The following TBC1D25 variants were observed in gnomAD, a reference collection of about 807,000 sequenced individuals.
TBC1D25 encodes TBC1 domain family member 25.
TBC1D25 carries 13 observed loss-of-function variants against 38.8 expected under a neutral mutation model. The observed-to-expected ratio is 0.34, with a 90% CI of 0.22 to 0.53. The LOEUF (loss-of-function observed/expected upper bound fraction) is 0.53, where lower values mean the gene tolerates loss of function less well. TBC1D25 is among the 20% of genes least tolerant of loss of function. The pLI, the probability that TBC1D25 is intolerant of heterozygous loss-of-function variation, is 0.94. For missense variants in TBC1D25, 372 were observed against 600.0 expected (o/e 0.62, Z 3.97); for synonymous variants, 225 against 255.6 (o/e 0.88, Z 1.14).
intron 1 of TBC1D25, 148 bp from the exon 2 acceptor site, chrX:48,541,185 C>G (rs2061835846): frequency 2.0e-6 from 1 of 509,149 alleles, no homozygotes; most frequent in African/African-American, 2.3e-5. Flanking sequence ...TTGCAGTAGC[C>G]TCCTCCTCAC....
intron 3 of TBC1D25, among the ~76,000 whole-genome samples, chrX:48,555,081 G>A (rs1200489590): frequency 9.0e-6 from 1 of 111,419 alleles, no homozygotes; most frequent in East Asian, 2.8e-4. Context: ...TTTACATGCA[G>A]TAGCCGTAGG....
In TBC1D25 at chrX:48,559,347, G is replaced by A; in HGVS notation, c.705+1G>A. 8.3e-7 allele frequency: 1 copy of A among 1,205,848 alleles called. No individual in the cohort carries two copies. Among genetic ancestry groups the A allele is most frequent in the South Asian group, 1.8e-5 (1 of 55,775 alleles). ...CGGTGTGGAGCCCTCGCTGCGAAAG[G>A]TGAGCATCCTCAGTCATCTGTTGGG... On this transcript the variant is annotated splice_donor_variant, in intron 5 of 5. Transcript: ENST00000376771. LOFTEE classifies it high-confidence loss of function.
intron 1 of TBC1D25, among the ~76,000 whole-genome samples, chrX:48,540,730 C>T (rs946667368): frequency 1.8e-5 from 2 of 111,923 alleles, no homozygotes; most frequent in African/African-American, 3.2e-5. Context: ...TCCGACCAAC[C>T]AGTGGCACTG....
intron 3 of TBC1D25, among the ~76,000 whole-genome samples, chrX:48,549,046 G>A (rs1556982572): frequency 1.8e-5 from 2 of 111,934 alleles, no homozygotes; most frequent in African/African-American, 3.2e-5. Flanking sequence ...GTACTTTTCC[G>A]ATATGAATCT....
At chrX:48,543,838 C>G (rs1295606410) in intron 2 of TBC1D25, among the ~76,000 whole-genome samples, 1 of 104,347 alleles carries the variant, frequency 9.6e-6, no homozygotes, top group African/African-American at 3.5e-5. Flanking sequence ...GAGCCGAGAT[C>G]GCACCATTGC....
chrX:48,559,931 C>T lies in TBC1D25; in HGVS notation c.1023C>T (p.Ile341=). ...GCATGAGTGACCTTGCCTCACCCAT[C>T]CTCGCTGTCATGGACCATGAGGGCC... ...CQGMSDLASP[I]LAVMDHEGHA... is the part of the protein sequence containing the mutation. The change falls in exon 6 of 6, where the codon ATC becomes ATT. Residue 341 remains isoleucine, a synonymous_variant. Coordinates refer to ENST00000376771, the MANE Select transcript of TBC1D25 (RefSeq NM_002536.4). 2 of 1,211,842 alleles carry T rather than the reference C, an allele frequency of 1.7e-6. No homozygotes were observed. Among genetic ancestry groups the T allele is most frequent in the Non-Finnish European group, 2.2e-6 (2 of 895,553 alleles).
At chrX:48,543,828 G>A (rs969233268) in intron 2 of TBC1D25, among the ~76,000 whole-genome samples, 3 of 104,714 alleles carry the variant, frequency 2.9e-5, no homozygotes, top group Non-Finnish European at 5.8e-5. Flanking sequence ...AGCTTGCAGC[G>A]AGCCGAGATC....
Position 48,560,487 on chromosome X carries a change from C to A in TBC1D25, c.1579C>A (p.Leu527Met). The A allele has an allele frequency of 8.3e-7, 1 of 1,210,044 alleles. No homozygotes were observed. Among genetic ancestry groups the A allele is most frequent in the Non-Finnish European group, 1.1e-6 (1 of 894,556 alleles). ...CTCCAGGAGGGACCCTCTGGTCCAG[C>A]TGCCCCACCCAGCTGCCCTTATCAG... ...MGSRRDPLVQ[L>M]PHPAALISSK... Residue 527 changes from leucine (L) to methionine (M), a missense_variant, in exon 6 of 6, where the codon CTG becomes ATG. Physicochemically the swap from Leu to Met is conservative, Grantham distance 15. Coordinates refer to ENST00000376771, the MANE Select transcript of TBC1D25 (RefSeq NM_002536.4).
Position 48,539,919 on chromosome X carries a change from A to G in TBC1D25, c.122A>G (p.Lys41Arg). The change falls in exon 1 of 6, where the codon AAG (lysine) becomes AGG (arginine). Residue 41 changes from lysine to arginine, a missense_variant and splice_region_variant. By Grantham distance (26) the Lys-to-Arg change is conservative (BLOSUM62 2). Around this residue, in one of 2 missense-constraint regions of TBC1D25, gnomAD observed 60 missense variants for 50.7 expected, o/e 1.18. Coordinates refer to ENST00000376771, the MANE Select transcript of TBC1D25 (RefSeq NM_002536.4). Reference sequence around the variant, plus strand: ...CGAGAGGTGGTGCGGGTCCGAGTCAAGGTGAGGCTGGCGGTGAGTCGGCCC... The same window carrying G: ...CGAGAGGTGGTGCGGGTCCGAGTCAGGGTGAGGCTGGCGGTGAGTCGGCCC... ...EEREVVRVRV[K>R]KCESFLPPEF... 1.0e-6 allele frequency: 1 copy of G among 952,671 alleles called. No homozygotes were observed. The highest frequency in any genetic ancestry group is 5.2e-5 in the South Asian group (1 of 19,064). 78.5% of individuals were successfully genotyped at this position (952,671 alleles called of 1,213,427 possible). A position where few individuals can be genotyped will look rare whatever the true frequency, so the allele number is the denominator to read the frequency against.
intron 3 of TBC1D25, among the ~76,000 whole-genome samples, chrX:48,547,979 T>A (rs1477542287): frequency 9.1e-6 from 1 of 109,789 alleles, no homozygotes; most frequent in Non-Finnish European, 1.9e-5. Flanking sequence ...TTTACCAAAT[T>A]CCTGCACAAC....
intron 3 of TBC1D25, among the ~76,000 whole-genome samples, chrX:48,556,713 C>T (rs1225428543): frequency 1.0e-5 from 1 of 96,106 alleles, no homozygotes; most frequent in Non-Finnish European, 2.0e-5. Context: ...CACCATTGCA[C>T]GCCAGTGTGG....
At chrX:48,540,552 G>A (rs2061830493) in intron 1 of TBC1D25, among the ~76,000 whole-genome samples, 1 of 111,906 alleles carries the variant, frequency 8.9e-6, no homozygotes, top group Non-Finnish European at 1.9e-5. Flanking sequence ...ATGGGAATGA[G>A]CCTGGCATGT....
intron 3 of TBC1D25, among the ~76,000 whole-genome samples, chrX:48,557,717 G>C (rs1308621995): frequency 9.1e-6 from 1 of 110,255 alleles, no homozygotes; most frequent in African/African-American, 3.3e-5. Context: ...GCTTAGGCAG[G>C]AGAACTGCTT....
chrX:48,552,957 T>C (rs1369050721), intron 3 of TBC1D25, among the ~76,000 whole-genome samples: 3 of 109,406 alleles, frequency 2.7e-5, no homozygotes, highest in Non-Finnish European at 1.9e-5. Flanking sequence ...ACCCGGCTAG[T>C]TTTTTTATAT....
intron 3 of TBC1D25, among the ~76,000 whole-genome samples, chrX:48,545,265 A>C (rs1244257801): frequency 1.8e-5 from 2 of 112,283 alleles, no homozygotes; most frequent in African/African-American, 6.5e-5. Context: ...AAATGCCTGG[A>C]ACAGTGCATG....
In TBC1D25 at chrX:48,559,953, G is replaced by A; in HGVS notation, c.1045G>A (p.Gly349Ser). Residue 349 changes from glycine (G) to serine (S), a missense_variant, in exon 6 of 6, where the codon GGC (glycine) becomes AGC (serine). By Grantham distance (56) the Gly-to-Ser change is moderately conservative. Around this residue, in one of 2 missense-constraint regions of TBC1D25, gnomAD observed 312 missense variants for 549.3 expected, o/e 0.57. Transcript: ENST00000376771. ...CATCCTCGCTGTCATGGACCATGAG[G>A]GCCATGCCTTTGTTTGCTTTTGTGG... ...SPILAVMDHE[G>S]HAFVCFCGIM... is the part of the protein sequence containing the mutation. 4.1e-6 allele frequency: 5 copies of A among 1,211,564 alleles called. No individual in the cohort carries two copies. The highest frequency in any genetic ancestry group is 4.5e-6 in the Non-Finnish European group (4 of 895,446).
intron 3 of TBC1D25, among the ~76,000 whole-genome samples, chrX:48,552,906 C>T (rs2147185304): frequency 9.1e-6 from 1 of 109,813 alleles, no homozygotes; most frequent in Non-Finnish European, 1.9e-5. Context: ...TCTCCTGCCT[C>T]AGCCTCTTGA....
At position 48,559,922 on chromosome X, in the gene TBC1D25, C is replaced by G; in HGVS notation, c.1014C>G (p.Ala338=). ...ACTGCCAGGGCATGAGTGACCTTGCCTCACCCATCCTCGCTGTCATGGACC... is the reference window on the plus strand; with the variant it reads ...ACTGCCAGGGCATGAGTGACCTTGCGTCACCCATCCTCGCTGTCATGGACC... ...VSYCQGMSDL[A]SPILAVMDHE... Residue 338 remains alanine (A), a synonymous_variant, in exon 6 of 6, where the codon GCC becomes GCG. Coordinates refer to ENST00000376771, the MANE Select transcript of TBC1D25 (RefSeq NM_002536.4). The G allele has an allele frequency of 8.3e-7, 1 of 1,211,625 alleles. No individual in the cohort carries two copies. Among genetic ancestry groups the G allele is most frequent in the Non-Finnish European group, 1.1e-6 (1 of 895,478 alleles).
At chrX:48,558,722 A>C (rs2061996142) in intron 3 of TBC1D25, among the ~76,000 whole-genome samples, 175 bp from the exon 4 acceptor site, 1 of 111,934 alleles carries the variant, frequency 8.9e-6, no homozygotes. Context: ...TCTACTACAA[A>C]AGAATTGTTC....
Sources: allele counts gnomAD v4.1 joint callset (sites outside exome capture counted in the v4.1 genomes callset), GRCh38; gene constraint gnomAD v4.1.1; regional missense constraint gnomAD v4.1.1; transcripts MANE v1.5; gene names NCBI Gene and HGNC (gene_info 2026-07-23, HGNC 2026-07-21).